TM9SF2: variants seen among roughly 807,000 people sequenced by gnomAD.
The protein encoded by TM9SF2 is transmembrane 9 superfamily member 2, also known as 76 kDa membrane protein.
TM9SF2 carries 13 observed loss-of-function variants against 84.9 expected under a neutral mutation model. The observed-to-expected ratio is 0.15, with a 90% confidence interval of 0.10 to 0.24. The LOEUF (loss-of-function observed/expected upper bound fraction) is 0.24. Ranked by LOEUF, TM9SF2 falls within the 10% of genes least tolerant of loss-of-function variation. The pLI, the probability that TM9SF2 is intolerant of heterozygous loss-of-function variation, is 1.00. For missense variants in TM9SF2, 562 were observed against 818.5 expected (o/e 0.69, Z 3.82); for synonymous variants, 273 against 285.8 (o/e 0.96, Z 0.45).
At chr13:99,521,302 C>A (rs1337890182) in intron 3 of TM9SF2, among the ~76,000 whole-genome samples, 1 of 152,154 alleles carries the variant, frequency 6.6e-6, no homozygotes, top group Non-Finnish European at 1.5e-5. Flanking sequence ...CTATATGCCA[C>A]ACTTTGCATT....
At chr13:99,501,852 C>T (rs1274285700) in intron 1 of TM9SF2, 75 bp downstream of exon 1, 2 of 1,532,456 alleles carry the variant, frequency 1.3e-6, no homozygotes, top group Non-Finnish European at 1.7e-6. Context: ...AGCTGATCCT[C>T]GGGTGGGAGC....
intron 2 of TM9SF2, among the ~76,000 whole-genome samples, chr13:99,518,242 G>A (rs1470983049): frequency 6.6e-6 from 1 of 152,210 alleles, no homozygotes; most frequent in Non-Finnish European, 1.5e-5. Context: ...CTCGCAAGTA[G>A]CTGGGATTAT....
At chr13:99,534,875 C>T (rs566437731) in intron 4 of TM9SF2, among the ~76,000 whole-genome samples, 73 of 152,268 alleles carry the variant, frequency 4.8e-4, no homozygotes, top group South Asian at 2.1e-3. Flanking sequence ...TTTGGCCAGG[C>T]GTGGTGGCTC....
chr13:99,557,576 T>C (rs1191837246), intron 15 of TM9SF2, among the ~76,000 whole-genome samples: 1 of 152,124 alleles, frequency 6.6e-6, no homozygotes, highest in East Asian at 1.9e-4. Context: ...TGGTGTCATA[T>C]CTAAGAATTA....
In TM9SF2 at chr13:99,518,058, AT is replaced by A. The variant is rs568089457; in HGVS notation, c.239+378del. Among the ~76,000 whole-genome samples the A allele has an allele frequency of 3.9e-5, 6 of 152,344 alleles. No homozygotes were observed. In the South Asian group the frequency reaches 1.2e-3, roughly 32 times the overall value. ...TCTCTGAATAAATAGTCTAATCTAT[AT>A]AATCACATTTATACATTTTTGTTTT... On this transcript the variant is annotated intron_variant, in intron 2 of 16. Transcript: ENST00000376387.
At chr13:99,505,849 T>C (rs928141555) in intron 1 of TM9SF2, among the ~76,000 whole-genome samples, 1 of 152,240 alleles carries the variant, frequency 6.6e-6, no homozygotes, top group African/African-American at 2.4e-5. Context: ...TTTCAAGTAA[T>C]TACTGGGTTG....
intron 1 of TM9SF2, among the ~76,000 whole-genome samples, chr13:99,508,426 C>CACAA (rs2046098258): frequency 6.6e-6 from 1 of 151,274 alleles, no homozygotes; most frequent in Admixed American, 6.6e-5. Flanking sequence ...CACACACACA[C>CACAA]ACACACACAC....
intron 4 of TM9SF2, among the ~76,000 whole-genome samples, chr13:99,530,259 C>G (rs1014309358): frequency 3.3e-5 from 5 of 152,108 alleles, no homozygotes; most frequent in Non-Finnish European, 7.4e-5. Flanking sequence ...CCCATCTCTA[C>G]TAAAAATACA....
At chr13:99,530,573 C>T (rs2046204239) in intron 4 of TM9SF2, among the ~76,000 whole-genome samples, 1 of 152,180 alleles carries the variant, frequency 6.6e-6, no homozygotes, top group Admixed American at 6.5e-5. Flanking sequence ...TTAACAGTAG[C>T]ATATTATGCT....
chr13:99,528,423 T>C (rs1195736846), intron 3 of TM9SF2, among the ~76,000 whole-genome samples: 1 of 152,222 alleles, frequency 6.6e-6, no homozygotes, highest in Non-Finnish European at 1.5e-5. Context: ...ACTAAACAGA[T>C]GTTACCTATT....
rs979871954 is a variant in TM9SF2, at chr13:99,543,894, T to G, written c.1049T>G (p.Leu350Arg). The change falls in exon 10 of 17, where the codon CTT (leucine) becomes CGT (arginine). Residue 350 changes from leucine (L) to arginine (R), a missense_variant. Leu to Arg is a moderately radical substitution (Grantham distance 102, BLOSUM62 -2). Coordinates refer to ENST00000376387, the MANE Select transcript of TM9SF2 (RefSeq NM_004800.3). ...EDAQEEFGWK[L>R]VHGDIFRPPR... ...GCCCAGGAAGAATTTGGCTGGAAAC[T>G]TGTTCATGGTGATATATTCCGTCCT... 6.2e-7 allele frequency: 1 copy of G among 1,614,024 alleles called. No individual in the cohort carries two copies. Among genetic ancestry groups the G allele is most frequent in the Non-Finnish European group, 8.5e-7 (1 of 1,180,010 alleles).
At chr13:99,556,377 C>G (rs946786257) in intron 15 of TM9SF2, among the ~76,000 whole-genome samples, 17 of 152,200 alleles carry the variant, frequency 1.1e-4, no homozygotes, top group Non-Finnish European at 1.9e-4. Flanking sequence ...AAGCCCTATA[C>G]TTGCTGAGCA....
In TM9SF2 at chr13:99,563,563, T is replaced by A. The variant is rs1390095757; in HGVS notation, c.*805T>A. 4.6e-5 allele frequency: 7 copies of A among 152,242 alleles called. No individual in the cohort carries two copies. Among genetic ancestry groups the A allele is most frequent in the African/African-American group, 1.7e-4 (7 of 41,450 alleles). The allele number at this position is 152,242 out of a possible 1,614,324, so 9.4% of individuals were successfully genotyped here. A position where few individuals can be genotyped will look rare whatever the true frequency, so the allele number is the denominator to read the frequency against. On this transcript the variant is annotated 3_prime_UTR_variant, in exon 17 of 17. Coordinates refer to ENST00000376387, the MANE Select transcript of TM9SF2 (RefSeq NM_004800.3). ...GAATTTCACTGTGTAAGGCATTGTC[T>A]AAAATGTTCACTGTGAGGCAGTAGA...
chr13:99,529,703 T>G (rs2046199835), intron 4 of TM9SF2, 109 bp downstream of exon 4: 1 of 1,228,972 alleles, frequency 8.1e-7, no homozygotes. Flanking sequence ...AATTAATTGA[T>G]TTCCTTTTTT....
intron 13 of TM9SF2, among the ~76,000 whole-genome samples, chr13:99,553,935 G>T (rs2046315687): frequency 6.6e-6 from 1 of 152,186 alleles, no homozygotes; most frequent in South Asian, 2.1e-4. Flanking sequence ...CAAAATTCCA[G>T]AACCAGCTGA....
Position 99,533,297 on chromosome 13 carries a change from G to T in TM9SF2, c.462-3311G>T, listed in dbSNP as rs370471480. 3.9e-4 allele frequency among the ~76,000 whole-genome samples: 60 copies of T among 152,268 alleles called. No homozygotes were observed. In the East Asian group the frequency reaches 9.8e-3, roughly 25 times the overall value. ...AAAAGTAAGTCTTCTGTCAGTCTCA[G>T]CCTCATTTCTATTCTACAGAACTAA... On this transcript the variant is annotated intron_variant, in intron 4 of 16. Coordinates refer to ENST00000376387, the MANE Select transcript of TM9SF2 (RefSeq NM_004800.3).
At chr13:99,547,958 G>A (rs761683981) in intron 11 of TM9SF2, among the ~76,000 whole-genome samples, 12 of 152,200 alleles carry the variant, frequency 7.9e-5, no homozygotes, top group Non-Finnish European at 1.6e-4. Context: ...AGTATGTGAA[G>A]CCCTGTATGT....
chr13:99,511,190 A>G (rs966268302), intron 1 of TM9SF2, among the ~76,000 whole-genome samples: 2 of 152,144 alleles, frequency 1.3e-5, no homozygotes, highest in Non-Finnish European at 2.9e-5. Flanking sequence ...TCAAAATTCA[A>G]AAAGTTGAAA....
At chr13:99,506,162 T>C (rs1358351590) in intron 1 of TM9SF2, among the ~76,000 whole-genome samples, 3 of 152,226 alleles carry the variant, frequency 2.0e-5, no homozygotes, top group African/African-American at 7.2e-5. Flanking sequence ...TGTGTATAAA[T>C]ATTGGAATGA....
Sources: gnomAD v4.1 joint callset for allele counts (sites outside exome capture counted in the v4.1 genomes callset) on GRCh38, gnomAD v4.1.1 for gene constraint, MANE v1.5 for transcripts, NCBI Gene and HGNC (gene_info 2026-07-23, HGNC 2026-07-21) for gene names.